The following EMC3 variants were observed in gnomAD, a reference collection of about 807,000 sequenced individuals.
EMC3 encodes the protein 30 kDa protein.
A neutral mutation model predicts 36.6 loss-of-function variants in EMC3; 13 were observed. The ratio of observed to expected loss-of-function variants is 0.35; its 90% CI spans 0.23 to 0.56. The LOEUF is 0.56. EMC3 is among the 20% of genes least tolerant of loss of function. The probability of loss-of-function intolerance (pLI) is 0.84; values close to 1 mark genes in which losing one functional copy is unlikely to be tolerated. For synonymous variants in EMC3, 120 were observed against 111.9 expected (o/e 1.07, Z -0.46); for missense variants, 220 against 324.5 (o/e 0.68, Z 2.47).
chr3:9,997,527 T>G (rs1459205632), intron 1 of EMC3, among the ~76,000 whole-genome samples: 4 of 152,206 alleles, frequency 2.6e-5, no homozygotes, highest in African/African-American at 4.8e-5. Flanking sequence ...TGGCACGATA[T>G]CAGCTTACCG....
Position 9,986,014 on chromosome 3 carries a change from C to A in EMC3, c.155+493G>T, listed in dbSNP as rs530428798. On this transcript the variant is annotated intron_variant, in intron 1 of 7. Coordinates refer to ENST00000245046, the MANE Select transcript of EMC3 (RefSeq NM_001394674.1). ...CCTTACATCTCTAATGGCAGTTTTACAGACTGCAAAGCGCTTTGGTACTTG... is the reference window on the plus strand; with the variant it reads ...CCTTACATCTCTAATGGCAGTTTTAAAGACTGCAAAGCGCTTTGGTACTTG... Among the ~76,000 whole-genome samples the A allele has an allele frequency of 7.2e-4, 109 of 152,314 alleles. 1 individual carries two copies. The South Asian group carries it at 0.018, about 25-fold the overall frequency.
chr3:9,970,605 G>C lies in EMC3; in HGVS notation c.551C>G (p.Ser184Cys), dbSNP rs763544448. 1.3e-5 allele frequency: 21 copies of C among 1,614,034 alleles called. No homozygotes were observed. The highest frequency in any genetic ancestry group is 1.7e-5 in the Non-Finnish European group (20 of 1,180,036). Residue 184 changes from serine (S) to cysteine (C), a missense_variant, in exon 6 of 8, where the codon TCT (serine) becomes TGT (cysteine). Coordinates refer to ENST00000245046, the MANE Select transcript of EMC3 (RefSeq NM_001394674.1). Reference sequence around the variant, plus strand: ...ACCATTATCTTGGCCCAGAATCAGAGAGTAAATGCTCCGAAGCCCAAATAC... The same window carrying C: ...ACCATTATCTTGGCCCAGAATCAGACAGTAAATGCTCCGAAGCCCAAATAC... The part of the protein sequence containing the change: ...LNVFGLRSIY[S>C]LILGQDNAAD...
rs2086293253 is a variant in EMC3 at position 10,008,882 on chromosome 3, G to A, written c.-242+2141C>T. The A allele has an allele frequency of 1.7e-5, 3 of 176,568 alleles. No individual in the cohort carries two copies. In the South Asian group the frequency reaches 3.0e-4, roughly 18 times the overall value. 10.9% of individuals were successfully genotyped at this position (176,568 alleles called of 1,614,324 possible). A position where few individuals can be genotyped will look rare whatever the true frequency, so the allele number is the denominator to read the frequency against. ...TATTTGTGCAATCAGTGAGACCCTG[G>A]GATTCAAGCCCGAGGTGTGTCTGCA... On this transcript the variant is annotated intron_variant, in intron 1 of 8. Transcript: ENST00000470827.
At chr3:9,986,110 C>G (rs539768697) in intron 1 of EMC3, among the ~76,000 whole-genome samples, 3 of 152,260 alleles carry the variant, frequency 2.0e-5, no homozygotes, top group African/African-American at 7.2e-5. Flanking sequence ...GATTATCACA[C>G]TCACTTGACT....
chr3:9,984,453 G>A (rs563979127), intron 1 of EMC3, among the ~76,000 whole-genome samples: 5 of 151,164 alleles, frequency 3.3e-5, no homozygotes, highest in South Asian at 4.2e-4. Context: ...GCAGTGGCGC[G>A]ATCTTGGCTC....
rs61596273 is a variant in EMC3, at chr3:9,963,477, A to ATATATAT, written c.*591_*592insATATATA. The ATATATAT allele has an allele frequency of 0.013, 1,160 of 88,838 alleles. 17 individuals carry two copies. The highest frequency in any genetic ancestry group is 0.022 in the Middle Eastern group (3 of 136). The allele number at this position is 88,838 out of a possible 1,614,324, so 5.5% of individuals were successfully genotyped here. On this transcript the variant is annotated 3_prime_UTR_variant, in exon 8 of 8. Transcript: ENST00000245046. ...TAGATATATATATATATATATATAT[A>ATATATAT]TTTTTTTTTTTTTTTCAGATGGAGT... is the stretch of plus-strand genomic sequence containing the variant.
At chr3:9,977,286 G>A in intron 2 of EMC3, 103 bp downstream of exon 2, 1 of 1,115,202 alleles carries the variant, frequency 9.0e-7, no homozygotes, top group South Asian at 1.5e-5. Flanking sequence ...TAATTACTAA[G>A]TTGCCAACCT....
Position 9,965,344 on chromosome 3 carries a change from C to T in EMC3, c.658-1147G>A, listed in dbSNP as rs964683332. 2.0e-5 allele frequency among the ~76,000 whole-genome samples: 3 copies of T among 151,804 alleles called. No homozygotes were observed. In the South Asian group the frequency reaches 6.2e-4, roughly 32 times the overall value. The stretch of plus-strand genomic sequence containing the variant: ...GCTGAGGTGGGAGGAATGCTTAAGT[C>T]CAGGAGTTCGAGGCTGCAGTGAGCA... On this transcript the variant is annotated intron_variant, in intron 7 of 7. Coordinates refer to ENST00000245046, the MANE Select transcript of EMC3 (RefSeq NM_001394674.1).
chr3:10,005,874 CCCTT>C (rs1248732155), intron 1 of EMC3, among the ~76,000 whole-genome samples: 4 of 152,196 alleles, frequency 2.6e-5, no homozygotes, highest in Non-Finnish European at 5.9e-5. Context: ...AGAGAACTGT[CCCTT>C]CCTCCCGGGG....
At chr3:9,986,450 C>CT in intron 1 of EMC3, 57 bp downstream of exon 1, 1 of 1,597,550 alleles carries the variant, frequency 6.3e-7, no homozygotes, top group South Asian at 1.1e-5. Flanking sequence ...AACTCCTGCA[C>CT]TTTTTTGCCC....
intron 1 of EMC3, among the ~76,000 whole-genome samples, chr3:9,981,110 G>C (rs534360838): frequency 6.6e-6 from 1 of 152,290 alleles, no homozygotes; most frequent in South Asian, 2.1e-4. Context: ...GAGGCTGTGG[G>C]AGGATCACTT....
At chr3:10,005,251 A>AC (rs927446109) in intron 1 of EMC3, 1 of 151,908 alleles carries the variant, frequency 6.6e-6, no homozygotes, top group African/African-American at 2.4e-5. Flanking sequence ...ACTTAAAAAA[A>AC]AAAAAAAAAT....
intron 1 of EMC3, chr3:9,992,726 GT>G: frequency 1.7e-6 from 1 of 597,800 alleles, no homozygotes. Context: ...ATATTTCTGG[GT>G]TTTGTGAAAA....
chr3:10,003,753 A>C (rs2086231034), intron 1 of EMC3: 1 of 167,110 alleles, frequency 6.0e-6, no homozygotes, highest in Non-Finnish European at 1.3e-5. Context: ...TTATTTATTT[A>C]GTAACGGAGT....
chr3:9,970,048 C>T (rs1368418402), intron 6 of EMC3, among the ~76,000 whole-genome samples: 2 of 152,200 alleles, frequency 1.3e-5, no homozygotes, highest in Non-Finnish European at 2.9e-5. Flanking sequence ...CAATAACAGC[C>T]ACCAGTTATT....
chr3:10,005,341 A>C (rs1351390491), intron 1 of EMC3: 1 of 152,144 alleles, frequency 6.6e-6, no homozygotes, highest in Non-Finnish European at 1.5e-5. Flanking sequence ...GCTTCAGTAC[A>C]ACATTCAGAG....
At chr3:9,969,511 TA>T in intron 7 of EMC3, 4 of 1,446,696 alleles carry the variant, frequency 2.8e-6, no homozygotes, top group Non-Finnish European at 3.6e-6. Flanking sequence ...AGTGAGCATT[TA>T]AAAACCAGTA....
intron 1 of EMC3, chr3:10,004,113 C>T (rs1399091839): frequency 6.6e-6 from 1 of 152,154 alleles, no homozygotes. Flanking sequence ...GGGTTCTGCC[C>T]TTCTGCTCAT....
At chr3:9,980,946 A>G (rs1476209456) in intron 1 of EMC3, among the ~76,000 whole-genome samples, 8 of 152,084 alleles carry the variant, frequency 5.3e-5, no homozygotes, top group Non-Finnish European at 1.2e-4. Flanking sequence ...TGTAATCTCA[A>G]TACTTTGGGA....
Sources: allele counts gnomAD v4.1 joint callset (sites outside exome capture counted in the v4.1 genomes callset), GRCh38; gene constraint gnomAD v4.1.1; transcripts MANE v1.5; gene names NCBI Gene and HGNC (gene_info 2026-07-23, HGNC 2026-07-21).